Variants in ZNF385B observed in about 807,000 individuals in gnomAD.
ZNF385B encodes zinc finger protein 533.
In ZNF385B, 23 loss-of-function variants were observed where a neutral mutation model predicts 39.2. The observed-to-expected ratio is 0.59, with a 90% CI of 0.42 to 0.83. ZNF385B has a LOEUF of 0.83. ZNF385B is among the 40% of genes least tolerant of loss of function. ZNF385B has a pLI of 0.00. For missense variants in ZNF385B, 552 were observed against 598.9 expected, an observed-to-expected ratio of 0.92 and a Z score of 0.82; for synonymous variants, 205 against 222.6, an observed-to-expected ratio of 0.92 and a Z score of 0.70.
At chr2:179,632,041 G>T (rs905110085) in intron 3 of ZNF385B, among the ~76,000 whole-genome samples, 1 of 151,728 alleles carries the variant, frequency 6.6e-6, no homozygotes, top group African/African-American at 2.4e-5. Flanking sequence ...CAGAGACCCA[G>T]GTCTCTAAGC....
intron 6 of ZNF385B, among the ~76,000 whole-genome samples, chr2:179,477,339 C>T (rs774838672): frequency 6.6e-6 from 1 of 152,166 alleles, no homozygotes; most frequent in South Asian, 2.1e-4. Context: ...TACTGATATA[C>T]TCATTGATAA....
At chr2:179,787,007 G>C (rs906820259) in intron 1 of ZNF385B, among the ~76,000 whole-genome samples, 1 of 152,060 alleles carries the variant, frequency 6.6e-6, no homozygotes, top group African/African-American at 2.4e-5. Flanking sequence ...TAATTGAGTA[G>C]TTTTTCACAC....
intron 6 of ZNF385B, among the ~76,000 whole-genome samples, chr2:179,455,761 G>A (rs556854716): frequency 1.5e-4 from 22 of 151,506 alleles, no homozygotes; most frequent in Non-Finnish European, 2.5e-4. Context: ...GCATGTTGGC[G>A]CATGCCTGTA....
At chr2:179,746,469 A>G (rs998975655) in intron 3 of ZNF385B, among the ~76,000 whole-genome samples, 5 of 152,174 alleles carry the variant, frequency 3.3e-5, no homozygotes, top group African/African-American at 1.2e-4. Context: ...CTAAGTGCCC[A>G]TCTCTAAATT....
chr2:179,617,590 T>A (rs78920170), intron 3 of ZNF385B, among the ~76,000 whole-genome samples: 5,486 of 152,248 alleles, frequency 0.036, 141 homozygotes, highest in Middle Eastern at 0.061. Context: ...CACAGACTGG[T>A]GGGTTCCACT....
chr2:179,544,652 T>G (rs2060117660), intron 4 of ZNF385B, among the ~76,000 whole-genome samples, 175 bp downstream of exon 4: 1 of 152,270 alleles, frequency 6.6e-6, no homozygotes, highest in Non-Finnish European at 1.5e-5. Flanking sequence ...TACTGGCTAT[T>G]GTTTGGGCTA....
chr2:179,830,312 T>C (rs936689849), intron 1 of ZNF385B, among the ~76,000 whole-genome samples: 2 of 152,210 alleles, frequency 1.3e-5, no homozygotes, highest in African/African-American at 4.8e-5. Context: ...TGAAAAATAG[T>C]TGGCAGTTTC....
At chr2:179,565,786 C>T (rs1259513556) in intron 3 of ZNF385B, among the ~76,000 whole-genome samples, 1 of 152,208 alleles carries the variant, frequency 6.6e-6, no homozygotes, top group African/African-American at 2.4e-5. Context: ...TCCACGAAGC[C>T]TTCCCTCTTT....
At chr2:179,699,669 A>G (rs912354823) in intron 3 of ZNF385B, among the ~76,000 whole-genome samples, 1 of 152,088 alleles carries the variant, frequency 6.6e-6, no homozygotes, top group Admixed American at 6.6e-5. Context: ...CCACATGACA[A>G]CCCTGATCCA....
chr2:179,814,792 T>C (rs1036935905), intron 1 of ZNF385B: 1 of 167,768 alleles, frequency 6.0e-6, no homozygotes, highest in African/African-American at 2.4e-5. Flanking sequence ...ACTTCTGAGA[T>C]ACAATTTACT....
In ZNF385B at chr2:179,853,960, C is replaced by T. The variant is rs1218692921; in HGVS notation, c.-155+7141G>A. ...ATTTCCCATCTTCAATAGTGCATCA[C>T]GTGCAGGGACTAAGATGTGTTTAAT... On this transcript the variant is annotated intron_variant, in intron 1 of 9. Coordinates refer to ENST00000410066, the MANE Select transcript of ZNF385B (RefSeq NM_152520.6). 5.9e-5 allele frequency among the ~76,000 whole-genome samples: 9 copies of T among 152,264 alleles called. No homozygotes were observed. In the South Asian group the frequency reaches 1.5e-3, roughly 25 times the overall value.
chr2:179,767,570 C>A (rs150400214), intron 3 of ZNF385B, among the ~76,000 whole-genome samples: 1 of 152,028 alleles, frequency 6.6e-6, no homozygotes, highest in South Asian at 2.1e-4. Flanking sequence ...GAGTTGCTAC[C>A]CAGCAGGAAA....
intron 3 of ZNF385B, among the ~76,000 whole-genome samples, chr2:179,755,082 TC>T (rs1328074575): frequency 1.3e-5 from 2 of 152,230 alleles, no homozygotes; most frequent in Non-Finnish European, 2.9e-5. Context: ...GCTATAAATT[TC>T]CCTCTACACA....
intron 1 of ZNF385B, among the ~76,000 whole-genome samples, chr2:179,801,194 T>C (rs1373514430): frequency 1.3e-5 from 2 of 152,092 alleles, no homozygotes; most frequent in Non-Finnish European, 2.9e-5. Context: ...AAACTTGTGA[T>C]TTCTCCTTCA....
At chr2:179,550,661 A>G (rs914720020) in intron 3 of ZNF385B, among the ~76,000 whole-genome samples, 2 of 149,384 alleles carry the variant, frequency 1.3e-5, no homozygotes, top group African/African-American at 2.5e-5. Flanking sequence ...CAATTTTAAA[A>G]CCTACTTTTT....
intron 3 of ZNF385B, among the ~76,000 whole-genome samples, chr2:179,680,891 T>C (rs890629404): frequency 5.9e-5 from 9 of 152,114 alleles, no homozygotes; most frequent in African/African-American, 2.2e-4. Context: ...CTGAAAATTG[T>C]CTTCTAAATA....
chr2:179,659,167 C>T lies in ZNF385B; in HGVS notation c.298+110336G>A, dbSNP rs144423520. Among the ~76,000 whole-genome samples, 779 of 152,290 alleles carry T rather than the reference C, an allele frequency of 5.1e-3. 4 individuals are homozygous for T. The highest frequency in any genetic ancestry group is 0.017 in the African/African-American group (719 of 41,540). On this transcript the variant is annotated intron_variant, in intron 3 of 9. Coordinates refer to ENST00000410066, the MANE Select transcript of ZNF385B (RefSeq NM_152520.6). ...TTCACAACTGTTCGAAGTATAATCA[C>T]TGCAATAAAATATATTTTCACCTAA...
chr2:179,720,586 C>T (rs1700626515), intron 3 of ZNF385B, among the ~76,000 whole-genome samples: 3 of 151,628 alleles, frequency 2.0e-5, no homozygotes, highest in Admixed American at 1.3e-4. Flanking sequence ...AAAGAGAAAA[C>T]ACATAAGATG....
At chr2:179,488,152 CT>C (rs554722868) in intron 5 of ZNF385B, among the ~76,000 whole-genome samples, 29 of 149,394 alleles carry the variant, frequency 1.9e-4, no homozygotes, top group African/African-American at 5.4e-4. Context: ...CTTTTCTTTT[CT>C]TTTTTTTTTG....
Sources: gnomAD v4.1 joint callset for allele counts (sites outside exome capture counted in the v4.1 genomes callset) on GRCh38, gnomAD v4.1.1 for gene constraint, MANE v1.5 for transcripts, NCBI Gene and HGNC (gene_info 2026-07-23, HGNC 2026-07-21) for gene names.